Variants in NKAIN2 observed in about 807,000 individuals in gnomAD.
NKAIN2 encodes sodium/potassium-transporting ATPase subunit beta-1-interacting protein 2.
Under a neutral mutation model 32.6 loss-of-function variants are expected in NKAIN2, and 14 were observed. The ratio of observed to expected loss-of-function variants is 0.43; its 90% CI spans 0.28 to 0.67. The LOEUF (loss-of-function observed/expected upper bound fraction) is 0.67. Ranked by LOEUF, NKAIN2 falls within the 30% of genes least tolerant of loss-of-function variation. The pLI is 0.17. For synonymous variants in NKAIN2, 80 were observed against 87.2 expected (o/e 0.92, Z 0.46); for missense variants, 198 against 258.3 (o/e 0.77, Z 1.60).
At chr6:124,822,837 G>T (rs1781448151) in intron 6 of NKAIN2, among the ~76,000 whole-genome samples, 1 of 152,010 alleles carries the variant, frequency 6.6e-6, no homozygotes, top group African/African-American at 2.4e-5. Flanking sequence ...CAAAATAGCT[G>T]CTTTGACTAC....
intron 2 of NKAIN2, among the ~76,000 whole-genome samples, chr6:124,328,040 A>G (rs1010235444): frequency 2.6e-5 from 4 of 152,190 alleles, no homozygotes; most frequent in South Asian, 2.1e-4. Context: ...TGGAAACTTT[A>G]TAGTTGTAAG....
chr6:124,040,323 G>C (rs1477771594), intron 1 of NKAIN2, among the ~76,000 whole-genome samples: 2 of 151,650 alleles, frequency 1.3e-5, no homozygotes, highest in Non-Finnish European at 2.9e-5. Context: ...CTGTTTTCCT[G>C]AGGTTTCATT....
intron 3 of NKAIN2, among the ~76,000 whole-genome samples, chr6:124,554,530 A>G (rs950571753): frequency 6.6e-6 from 1 of 152,222 alleles, no homozygotes; most frequent in Non-Finnish European, 1.5e-5. Context: ...AATGAGAACT[A>G]CTGTTTAGTC....
chr6:124,504,339 G>C (rs1416027148), intron 3 of NKAIN2, among the ~76,000 whole-genome samples: 1 of 152,042 alleles, frequency 6.6e-6, no homozygotes, highest in Non-Finnish European at 1.5e-5. Context: ...CATCTATAAA[G>C]TTTCCTTTGT....
At chr6:123,957,944 T>G (rs1777672762) in intron 1 of NKAIN2, among the ~76,000 whole-genome samples, 1 of 152,156 alleles carries the variant, frequency 6.6e-6, no homozygotes, top group South Asian at 2.1e-4. Context: ...GCTCTTATGG[T>G]TAGGTTGGAT....
intron 1 of NKAIN2, among the ~76,000 whole-genome samples, chr6:123,880,978 G>A (rs1196245779): frequency 1.3e-5 from 2 of 152,102 alleles, no homozygotes; most frequent in Non-Finnish European, 2.9e-5. Context: ...TATATTACAG[G>A]GTGGGCAAGG....
chr6:123,925,545 G>A (rs1057021067), intron 1 of NKAIN2, among the ~76,000 whole-genome samples: 2 of 152,122 alleles, frequency 1.3e-5, no homozygotes, highest in African/African-American at 4.8e-5. Context: ...CCACTTCCCT[G>A]TTTTGTTATA....
In NKAIN2 at chr6:124,009,518, A is replaced by C. The variant is rs762260123; in HGVS notation, c.54+205264A>C. On this transcript the variant is annotated intron_variant, in intron 1 of 6. Coordinates refer to ENST00000368417, the MANE Select transcript of NKAIN2 (RefSeq NM_001040214.3). ...ACGATGTGGCAGCTCCTTGCACTGC[A>C]TACCCTACAATGTCTTGTCCCCCTC... Among the ~76,000 whole-genome samples the C allele has an allele frequency of 3.3e-5, 5 of 152,196 alleles. No individual in the cohort carries two copies. In the South Asian group the frequency reaches 6.2e-4, roughly 19 times the overall value.
At chr6:124,662,494 ACT>A (rs1275992895) in intron 4 of NKAIN2, among the ~76,000 whole-genome samples, 3 of 151,988 alleles carry the variant, frequency 2.0e-5, no homozygotes, top group African/African-American at 7.3e-5. Context: ...TATTCAGAAA[ACT>A]CTCTACTTTG....
chr6:124,476,059 AGAGAGAGTGTGTGT>A (rs1160476480), intron 3 of NKAIN2, among the ~76,000 whole-genome samples: 1 of 85,996 alleles, frequency 1.2e-5, no homozygotes, highest in African/African-American at 5.2e-5. Flanking sequence ...AGAGAGAGAG[AGAGAGAGTGTGTGT>A]GTGTGTGTGT....
intron 3 of NKAIN2, among the ~76,000 whole-genome samples, chr6:124,540,561 C>T (rs1779875410): frequency 6.6e-6 from 1 of 152,142 alleles, no homozygotes; most frequent in Admixed American, 6.5e-5. Context: ...CCACTGTAGC[C>T]ATGTACTACT....
At chr6:124,290,232 T>C (rs1485002020) in intron 2 of NKAIN2, among the ~76,000 whole-genome samples, 5 of 152,136 alleles carry the variant, frequency 3.3e-5, no homozygotes, top group Non-Finnish European at 7.4e-5. Context: ...AGACTATGAC[T>C]AAAGATTTAT....
intron 5 of NKAIN2, among the ~76,000 whole-genome samples, chr6:124,811,536 A>G (rs554211135): frequency 6.6e-6 from 1 of 152,314 alleles, no homozygotes; most frequent in Non-Finnish European, 1.5e-5. Context: ...TCTAAATTCC[A>G]CTATCATTAA....
intron 1 of NKAIN2, among the ~76,000 whole-genome samples, chr6:124,221,465 G>A (rs80148282): frequency 6.6e-6 from 1 of 150,772 alleles, no homozygotes; most frequent in African/African-American, 2.4e-5. Flanking sequence ...TAGATGACAA[G>A]TTAGTGGGTG....
chr6:123,813,583 C>T (rs973665384), intron 1 of NKAIN2, among the ~76,000 whole-genome samples: 2 of 151,970 alleles, frequency 1.3e-5, no homozygotes, highest in African/African-American at 2.4e-5. Flanking sequence ...AGGCCGAGGC[C>T]GGTAGATCAC....
chr6:124,273,420 G>A (rs1389835141), intron 1 of NKAIN2, among the ~76,000 whole-genome samples: 1 of 152,154 alleles, frequency 6.6e-6, no homozygotes, highest in Non-Finnish European at 1.5e-5. Flanking sequence ...ATGATTATAA[G>A]TTTCCTGAGG....
chr6:123,981,338 GA>G lies in NKAIN2; in HGVS notation c.54+177093del, dbSNP rs369059002. ...TATGTAAATAGTTTAACCAGTGCTGGAAAAAAAAAGCATCATACCTCCAATG... is the reference window on the plus strand; with the variant it reads ...TATGTAAATAGTTTAACCAGTGCTGGAAAAAAAAGCATCATACCTCCAATG... On this transcript the variant is annotated intron_variant, in intron 1 of 6. Transcript: ENST00000368417. 3.7e-3 allele frequency among the ~76,000 whole-genome samples: 550 copies of G among 150,578 alleles called. 8 individuals are homozygous for G. Among genetic ancestry groups the G allele is most frequent in the African/African-American group, 0.013 (524 of 41,040 alleles).
intron 1 of NKAIN2, among the ~76,000 whole-genome samples, chr6:123,825,414 G>T (rs1328954568): frequency 6.6e-6 from 1 of 152,110 alleles, no homozygotes; most frequent in African/African-American, 2.4e-5. Flanking sequence ...AAGTTTTATT[G>T]AAAAATCTGT....
intron 4 of NKAIN2, among the ~76,000 whole-genome samples, chr6:124,789,597 A>T (rs1409712539): frequency 3.3e-5 from 5 of 151,926 alleles, no homozygotes; most frequent in Non-Finnish European, 7.4e-5. Flanking sequence ...TTTTTCCAGT[A>T]CCCATGAAAA....
Sources: allele counts gnomAD v4.1 joint callset (sites outside exome capture counted in the v4.1 genomes callset), GRCh38; gene constraint gnomAD v4.1.1; transcripts MANE v1.5; gene names NCBI Gene and HGNC (gene_info 2026-07-23, HGNC 2026-07-21).